Variants in NRXN3 observed in about 807,000 individuals in gnomAD.
NRXN3 encodes the protein neurexin III.
In NRXN3, 32 loss-of-function variants were observed where a neutral mutation model predicts 137.6. The ratio of observed to expected loss-of-function variants is 0.23; its 90% CI spans 0.18 to 0.31. NRXN3 has a LOEUF of 0.31. Ranked by LOEUF, NRXN3 falls within the 10% of genes least tolerant of loss-of-function variation. The pLI is 1.00. For synonymous variants in NRXN3, 798 were observed against 784.5 expected (o/e 1.02, Z -0.29); for missense variants, 1,574 against 2,062.5 (o/e 0.76, Z 4.59).
chr14:78,965,640 G>T (rs1269288588), intron 11 of NRXN3, among the ~76,000 whole-genome samples: 1 of 152,216 alleles, frequency 6.6e-6, no homozygotes, highest in Non-Finnish European at 1.5e-5. Context: ...ATACTTGGTA[G>T]TGATGCCCAA....
intron 4 of NRXN3, among the ~76,000 whole-genome samples, chr14:78,317,761 A>C (rs2153554818): frequency 6.6e-6 from 1 of 152,310 alleles, no homozygotes; most frequent in Non-Finnish European, 1.5e-5. Context: ...GACACGTAAA[A>C]TTACACTTCA....
At chr14:78,887,531 AT>A (rs1458606989) in intron 10 of NRXN3, among the ~76,000 whole-genome samples, 1 of 152,134 alleles carries the variant, frequency 6.6e-6, no homozygotes, top group Non-Finnish European at 1.5e-5. Context: ...TGGATGCCTG[AT>A]TTTTTTCCCC....
chr14:78,803,847 CACTTCGTTTGGGCTTGTCT>C, intron 9 of NRXN3, 24 bp downstream of exon 9: 1 of 1,595,826 alleles, frequency 6.3e-7, no homozygotes, highest in Non-Finnish European at 8.6e-7. Flanking sequence ...TACCCTCTGC[CACTTCGTTTGGGCTTGTCT>C]TCCCTTTCTT....
At chr14:79,788,246 C>T (rs536553352) in intron 19 of NRXN3, among the ~76,000 whole-genome samples, 13 of 152,294 alleles carry the variant, frequency 8.5e-5, no homozygotes, top group African/African-American at 3.1e-4. Context: ...AATTACTTCC[C>T]ACCGGGTTCC....
At chr14:79,112,059 T>G (rs1413285251) in intron 15 of NRXN3, among the ~76,000 whole-genome samples, 1 of 152,252 alleles carries the variant, frequency 6.6e-6, no homozygotes, top group Non-Finnish European at 1.5e-5. Flanking sequence ...ATAGTCCACT[T>G]CTGAGTAATC....
At chr14:79,539,867 T>A (rs2097255270) in intron 16 of NRXN3, among the ~76,000 whole-genome samples, 1 of 152,208 alleles carries the variant, frequency 6.6e-6, no homozygotes, top group Non-Finnish European at 1.5e-5. Context: ...TGATTCCTCA[T>A]GTTTCTGTCT....
At chr14:79,280,523 C>T (rs2153441822) in intron 15 of NRXN3, 1 of 1,612,178 alleles carries the variant, frequency 6.2e-7, no homozygotes, top group African/African-American at 1.3e-5. Context: ...CCCTGTTTCC[C>T]TTCGAGGAGG....
At chr14:78,840,297 C>T (rs906760879) in intron 10 of NRXN3, among the ~76,000 whole-genome samples, 2 of 152,130 alleles carry the variant, frequency 1.3e-5, no homozygotes, top group Middle Eastern at 3.2e-3. Context: ...TTCAAAATCA[C>T]AGTCTTTGTC....
At chr14:78,922,700 G>C (rs1184661839) in intron 10 of NRXN3, among the ~76,000 whole-genome samples, 1 of 152,118 alleles carries the variant, frequency 6.6e-6, no homozygotes, top group African/African-American at 2.4e-5. Context: ...GGGCCTGTAG[G>C]TGGAGGGGAG....
intron 15 of NRXN3, among the ~76,000 whole-genome samples, chr14:79,002,908 A>C (rs1331536032): frequency 5.9e-5 from 9 of 152,156 alleles, no homozygotes; most frequent in African/African-American, 2.2e-4. Context: ...GTATAATTTA[A>C]TTAGAAACCT....
At position 78,490,819 on chromosome 14, in the gene NRXN3, C is replaced by T. The variant is rs116559499; in HGVS notation, c.758-154301C>T. On this transcript the variant is annotated intron_variant, in intron 4 of 20. Coordinates refer to ENST00000335750, the MANE Select transcript of NRXN3 (RefSeq NM_001330195.2). ...GATTTTACATGCAAGAAAACCAAGG[C>T]ACAGACAGAGTAGGTAACTTGTCCT... Among the ~76,000 whole-genome samples the T allele has an allele frequency of 6.2e-3, 941 of 152,254 alleles. 7 individuals are homozygous for T. Among genetic ancestry groups the T allele is most frequent in the African/African-American group, 0.021 (889 of 41,552 alleles).
intron 8 of NRXN3, among the ~76,000 whole-genome samples, chr14:78,722,075 A>C (rs2098462807): frequency 6.6e-6 from 1 of 152,148 alleles, no homozygotes; most frequent in African/African-American, 2.4e-5. Context: ...GCTACCTCTG[A>C]TCACAGCTGG....
intron 20 of NRXN3, among the ~76,000 whole-genome samples, chr14:79,806,290 A>T (rs550111476): frequency 4.6e-5 from 7 of 152,330 alleles, no homozygotes; most frequent in African/African-American, 1.7e-4. Context: ...TAATAAAAAT[A>T]AAAACCTTCC....
rs7155873 is a variant in NRXN3, at chr14:79,453,153, C to T, written c.3263-14068C>T. On this transcript the variant is annotated intron_variant, in intron 15 of 20. Transcript: ENST00000335750. The stretch of plus-strand genomic sequence containing the variant: ...CAAAAGAATAAAAATATCAGCCAGG[C>T]GTGGTGGCTCACACCTGTAATCCCA... 3.3e-3 allele frequency among the ~76,000 whole-genome samples: 500 copies of T among 152,066 alleles called. 3 individuals carry two copies. Among genetic ancestry groups the T allele is most frequent in the African/African-American group, 0.011 (476 of 41,466 alleles).
At chr14:79,380,998 TG>T (rs1232422655) in intron 15 of NRXN3, among the ~76,000 whole-genome samples, 1 of 152,044 alleles carries the variant, frequency 6.6e-6, no homozygotes, top group African/African-American at 2.4e-5. Flanking sequence ...GGCCCCACCT[TG>T]GACAGAGAGA....
intron 15 of NRXN3, among the ~76,000 whole-genome samples, chr14:79,155,155 T>C (rs2060148388): frequency 6.6e-6 from 1 of 151,894 alleles, no homozygotes; most frequent in African/African-American, 2.4e-5. Context: ...CCTTCATCAA[T>C]GGTGGAGCAT....
At chr14:79,771,257 C>A (rs1354290417) in intron 19 of NRXN3, among the ~76,000 whole-genome samples, 8 of 152,174 alleles carry the variant, frequency 5.3e-5, no homozygotes, top group African/African-American at 1.9e-4. Flanking sequence ...AAGAGGGAAT[C>A]CTCCCTAACT....
chr14:78,223,465 A>G (rs1358507380), intron 1 of NRXN3, among the ~76,000 whole-genome samples: 2 of 152,088 alleles, frequency 1.3e-5, no homozygotes, highest in African/African-American at 2.4e-5. Context: ...ACCCTCCTAG[A>G]TGTGCTTATA....
chr14:78,785,604 G>T (rs186384248), intron 8 of NRXN3, among the ~76,000 whole-genome samples: 1 of 152,162 alleles, frequency 6.6e-6, no homozygotes, highest in East Asian at 1.9e-4. Context: ...GAGAAATGGA[G>T]CCCTGACAAG....
Sources: gnomAD v4.1 joint callset for allele counts (sites outside exome capture counted in the v4.1 genomes callset) on GRCh38, gnomAD v4.1.1 for gene constraint, MANE v1.5 for transcripts, NCBI Gene and HGNC (gene_info 2026-07-23, HGNC 2026-07-21) for gene names.